SLTM: variants seen among roughly 807,000 people sequenced by gnomAD.
The protein encoded by SLTM is SAFB-like transcription modulator.
Under a neutral mutation model 134.6 loss-of-function variants are expected in SLTM, and 43 were observed. The observed-to-expected ratio is 0.32, with a 90% CI of 0.25 to 0.41. The LOEUF is 0.41. Among genes scored for constraint, SLTM ranks in the 10% least tolerant of loss-of-function variants. The pLI is 1.00. For synonymous variants in SLTM, 424 were observed against 432.3 expected (o/e 0.98, Z 0.24); for missense variants, 1,055 against 1,288.8 (o/e 0.82, Z 2.78).
intron 4 of SLTM, 149 bp from the exon 5 acceptor site, chr15:58,912,759 A>G (rs573035156): frequency 1.6e-4 from 95 of 606,180 alleles, no homozygotes; most frequent in African/African-American, 1.5e-3. Context: ...TAATATTCAG[A>G]CTATATTTTT....
chr15:58,929,316 C>T (rs776015603), intron 2 of SLTM, among the ~76,000 whole-genome samples: 1 of 151,968 alleles, frequency 6.6e-6, no homozygotes, highest in Non-Finnish European at 1.5e-5. Context: ...GGAGTGGTGG[C>T]GCATGCCTGT....
intron 2 of SLTM, among the ~76,000 whole-genome samples, chr15:58,924,414 GAT>G (rs1232229163): frequency 4.6e-5 from 7 of 152,172 alleles, no homozygotes; most frequent in African/African-American, 1.7e-4. Flanking sequence ...AACCCTCTGA[GAT>G]ATGTTTCAGA....
intron 2 of SLTM, 129 bp from the exon 3 acceptor site, chr15:58,917,128 C>G (rs1171540667): frequency 1.3e-6 from 1 of 791,206 alleles, no homozygotes; most frequent in Non-Finnish European, 2.1e-6. Context: ...TCAACTGCTT[C>G]TAAACCACCT....
In SLTM at chr15:58,879,935, A is replaced by G; in HGVS notation, c.*64T>C. ...CAAGTCAGAGGTCCTCTTCATAAGT[A>G]GTCAAGTAAAGTTTACAGGAGATTT... On this transcript the variant is annotated 3_prime_UTR_variant, in exon 21 of 21. Coordinates refer to ENST00000380516, the MANE Select transcript of SLTM (RefSeq NM_024755.4). 7.6e-6 allele frequency: 12 copies of G among 1,569,066 alleles called. No homozygotes were observed. The highest frequency in any genetic ancestry group is 1.2e-5 in the South Asian group (1 of 85,016).
intron 2 of SLTM, among the ~76,000 whole-genome samples, chr15:58,927,136 G>A (rs774521959): frequency 6.6e-6 from 1 of 151,934 alleles, no homozygotes; most frequent in Non-Finnish European, 1.5e-5. Context: ...CTTGAGAGAG[G>A]CACCTTTAAA....
chr15:58,903,762 A>C (rs1299517592), intron 5 of SLTM, among the ~76,000 whole-genome samples: 1 of 152,186 alleles, frequency 6.6e-6, no homozygotes, highest in African/African-American at 2.4e-5. Context: ...AGGTGAAACT[A>C]ATGCTGCTGG....
intron 20 of SLTM, 185 bp downstream of exon 20, chr15:58,883,437 AAACT>A: frequency 1.4e-6 from 1 of 690,244 alleles, no homozygotes; most frequent in Non-Finnish European, 2.4e-6. Flanking sequence ...GGAAGAATAC[AAACT>A]AACACATTAA....
chr15:58,912,908 T>G (rs2036384535), intron 4 of SLTM: 2 of 274,784 alleles, frequency 7.3e-6, no homozygotes, highest in Admixed American at 8.9e-5. Flanking sequence ...CTGACTTTCT[T>G]AAAATGTACT....
intron 20 of SLTM, among the ~76,000 whole-genome samples, chr15:58,881,833 G>C (rs1384453552): frequency 2.6e-5 from 4 of 152,046 alleles, no homozygotes; most frequent in Non-Finnish European, 2.9e-5. Context: ...CTCAGTTCAA[G>C]TGATCTACCT....
Position 58,905,756 on chromosome 15 carries a change from T to C in SLTM, c.562-4469A>G, listed in dbSNP as rs147036526. On this transcript the variant is annotated intron_variant, in intron 5 of 20. Transcript: ENST00000380516. ...AATACTATGATGTAAAAAAAAAAACTGTATTCTATTGTAGTTCCTGTCAAT... is the reference window on the plus strand; with the variant it reads ...AATACTATGATGTAAAAAAAAAAACCGTATTCTATTGTAGTTCCTGTCAAT... Among the ~76,000 whole-genome samples the C allele has an allele frequency of 2.9e-4, 44 of 151,944 alleles. 1 individual carries two copies. In the East Asian group the frequency reaches 7.5e-3, roughly 26 times the overall value.
rs1218100317 is a variant in SLTM, at chr15:58,879,249, C to G, written c.*750G>C. 1 of 152,166 alleles carries G rather than the reference C, an allele frequency of 6.6e-6. No homozygotes were observed. The highest frequency in any genetic ancestry group is 2.4e-5 in the African/African-American group (1 of 41,426). 9.4% of individuals were successfully genotyped at this position (152,166 alleles called of 1,614,324 possible). A position where few individuals can be genotyped will look rare whatever the true frequency, so the allele number is the denominator to read the frequency against. ...CCATCAAACAAACAGTGCAGATTACCTAAAAGTGCACTTACCTGCACAACT... is the reference window on the plus strand; with the variant it reads ...CCATCAAACAAACAGTGCAGATTACGTAAAAGTGCACTTACCTGCACAACT... On this transcript the variant is annotated 3_prime_UTR_variant, in exon 21 of 21. Coordinates refer to ENST00000380516, the MANE Select transcript of SLTM (RefSeq NM_024755.4).
chr15:58,888,627 T>C, intron 16 of SLTM, 72 bp from the exon 17 acceptor site: 1 of 1,460,936 alleles, frequency 6.8e-7, no homozygotes, highest in Non-Finnish European at 9.4e-7. Flanking sequence ...CTTGGAGTCA[T>C]ACATACCACA....
chr15:58,922,038 T>A (rs551451572), intron 2 of SLTM, among the ~76,000 whole-genome samples: 1 of 151,932 alleles, frequency 6.6e-6, no homozygotes, highest in Admixed American at 6.6e-5. Flanking sequence ...TCTTATTTTG[T>A]GAAAAAACAC....
At chr15:58,919,525 A>G (rs2036878496) in intron 2 of SLTM, among the ~76,000 whole-genome samples, 1 of 151,886 alleles carries the variant, frequency 6.6e-6, no homozygotes, top group South Asian at 2.1e-4. Flanking sequence ...GCTTGAACCC[A>G]GGAGGTGGGA....
chr15:58,932,348 G>GT lies in SLTM; in HGVS notation c.250+7dup, dbSNP rs2037937724. 1.2e-6 allele frequency: 2 copies of GT among 1,601,578 alleles called. No homozygotes were observed. On this transcript the variant is annotated splice_region_variant and intron_variant, in intron 2 of 20. Transcript: ENST00000380516. ...ATATTTTAAAACATGTTCATAACTC[G>GT]TAACAACCTTTGCCTTTAGTTGGTT...
chr15:58,933,327 G>A (rs1160390097), intron 1 of SLTM, 77 bp downstream of exon 1: 4 of 1,456,042 alleles, frequency 2.7e-6, no homozygotes, highest in African/African-American at 2.9e-5. Context: ...GCAGCCGGAG[G>A]CTGCGGCGGA....
Position 58,879,972 on chromosome 15 carries a change from C to G in SLTM, c.*27G>C. On this transcript the variant is annotated 3_prime_UTR_variant, in exon 21 of 21. Coordinates refer to ENST00000380516, the MANE Select transcript of SLTM (RefSeq NM_024755.4). ...TTTACAGGAGATTTCAATAAATTATCTTAAAACCTTGGCAGAGAGCTCATT... is the reference window on the plus strand; with the variant it reads ...TTTACAGGAGATTTCAATAAATTATGTTAAAACCTTGGCAGAGAGCTCATT... 6.2e-7 allele frequency: 1 copy of G among 1,610,324 alleles called. No homozygotes were observed. Among genetic ancestry groups the G allele is most frequent in the Non-Finnish European group, 8.5e-7 (1 of 1,178,042 alleles).
chr15:58,893,241 G>A (rs1167901352), intron 13 of SLTM, 38 bp downstream of exon 13: 2 of 1,504,868 alleles, frequency 1.3e-6, no homozygotes, highest in African/African-American at 2.8e-5. Flanking sequence ...TTTGTAAACA[G>A]CTGAAGTAGT....
At chr15:58,928,325 T>G (rs1462168638) in intron 2 of SLTM, among the ~76,000 whole-genome samples, 1 of 152,188 alleles carries the variant, frequency 6.6e-6, no homozygotes, top group Non-Finnish European at 1.5e-5. Context: ...TTTAACTACT[T>G]TTTAAACACA....
Sources: gnomAD v4.1 joint callset for allele counts (sites outside exome capture counted in the v4.1 genomes callset) on GRCh38, gnomAD v4.1.1 for gene constraint, MANE v1.5 for transcripts, NCBI Gene and HGNC (gene_info 2026-07-23, HGNC 2026-07-21) for gene names.